The following CSNK1G1 variants were observed in gnomAD, a reference collection of about 807,000 sequenced individuals.
CSNK1G1 encodes casein kinase I isoform gamma-1.
A neutral mutation model predicts 59.6 loss-of-function variants in CSNK1G1; 22 were observed. The ratio of observed to expected loss-of-function variants is 0.37; its 90% CI spans 0.26 to 0.53. The LOEUF (loss-of-function observed/expected upper bound fraction) is 0.53, where lower values mean the gene tolerates loss of function less well. Among genes scored for constraint, CSNK1G1 ranks in the 20% least tolerant of loss-of-function variants. The pLI is 0.89. For missense variants in CSNK1G1, 384 were observed against 519.5 expected, an observed-to-expected ratio of 0.74 and a Z score of 2.54; for synonymous variants, 179 against 177.1, an observed-to-expected ratio of 1.01 and a Z score of -0.08.
At chr15:64,186,635 T>A (rs951638566) in intron 10 of CSNK1G1, among the ~76,000 whole-genome samples, 4 of 151,956 alleles carry the variant, frequency 2.6e-5, no homozygotes, top group African/African-American at 9.7e-5. Context: ...TAAGCCTTCC[T>A]GGCAGCCAGG....
chr15:64,339,304 T>C (rs1315984947), intron 1 of CSNK1G1, among the ~76,000 whole-genome samples: 1 of 151,906 alleles, frequency 6.6e-6, no homozygotes, highest in Non-Finnish European at 1.5e-5. Flanking sequence ...TTTTTTTGTT[T>C]TTTGTTGTTA....
chr15:64,218,224 T>C (rs2082336990), intron 4 of CSNK1G1, among the ~76,000 whole-genome samples: 1 of 152,204 alleles, frequency 6.6e-6, no homozygotes, highest in South Asian at 2.1e-4. Context: ...GTGCTGGGAA[T>C]ACAGGCATGA....
Position 64,188,553 on chromosome 15 carries a change from C to T in CSNK1G1, c.1108-8099G>A. The T allele has an allele frequency of 1.7e-6, 2 of 1,167,700 alleles. No homozygotes were observed. The highest frequency in any genetic ancestry group is 2.4e-6 in the Non-Finnish European group (2 of 817,190). The allele number at this position is 1,167,700 out of a possible 1,614,324, so 72.3% of individuals were successfully genotyped here. The stretch of plus-strand genomic sequence containing the variant: ...AAGGTGAAGCAACAGCAAGCAATAA[C>T]AAAATCAAGTACATTCGTGTCCCTG... On this transcript the variant is annotated intron_variant, in intron 10 of 11. Coordinates refer to ENST00000303052, the MANE Select transcript of CSNK1G1 (RefSeq NM_022048.5). The surrounding 1 kb of genome is among the most constrained non-coding windows in gnomAD (Gnocchi z 4.2).
At chr15:64,246,644 G>A (rs1015757309) in intron 4 of CSNK1G1, among the ~76,000 whole-genome samples, 1 of 145,724 alleles carries the variant, frequency 6.9e-6, no homozygotes, top group Non-Finnish European at 1.5e-5. Context: ...AAAAAAGGGG[G>A]GGGGGGAGGA....
chr15:64,193,548 T>C (rs1283850194), intron 10 of CSNK1G1, among the ~76,000 whole-genome samples: 2 of 151,748 alleles, frequency 1.3e-5, no homozygotes, highest in Non-Finnish European at 2.9e-5. Flanking sequence ...ATTAAGCTCA[T>C]GAAACATAAC....
At chr15:64,238,582 T>G (rs2140301551) in intron 4 of CSNK1G1, among the ~76,000 whole-genome samples, 1 of 145,734 alleles carries the variant, frequency 6.9e-6, no homozygotes, top group East Asian at 2.0e-4. Context: ...GTTTGCTTAC[T>G]GTGTGACTTT....
chr15:64,243,550 C>A (rs568843509), intron 4 of CSNK1G1, among the ~76,000 whole-genome samples: 2 of 152,050 alleles, frequency 1.3e-5, no homozygotes, highest in East Asian at 3.9e-4. Context: ...CTATCCAGAG[C>A]AAACAGGCAA....
At chr15:64,301,132 T>G (rs1895311381) in intron 1 of CSNK1G1, among the ~76,000 whole-genome samples, 1 of 152,198 alleles carries the variant, frequency 6.6e-6, no homozygotes, top group African/African-American at 2.4e-5. Flanking sequence ...AATTAGACTA[T>G]TCACTCCCCC....
intron 4 of CSNK1G1, among the ~76,000 whole-genome samples, chr15:64,236,543 T>C (rs1284044039): frequency 6.6e-6 from 1 of 152,158 alleles, no homozygotes; most frequent in Non-Finnish European, 1.5e-5. Flanking sequence ...TTAAAAAATG[T>C]TCAACATTAG....
At chr15:64,180,092 C>G in intron 11 of CSNK1G1, 1 of 447,910 alleles carries the variant, frequency 2.2e-6, no homozygotes, top group East Asian at 4.1e-5. Context: ...CACTGTAGCC[C>G]TGATAACATG....
In CSNK1G1 at chr15:64,269,379, A is replaced by C. The variant is rs143402922; in HGVS notation, c.182-10138T>G. ...GAGCTCATTCTTGGTGTGTTCAGGA[A>C]ATCAATTTCTTCCTTCAGTCTTGGG... On this transcript the variant is annotated intron_variant, in intron 2 of 11. Transcript: ENST00000303052. Among the ~76,000 whole-genome samples, 10 of 152,252 alleles carry C rather than the reference A, an allele frequency of 6.6e-5. No homozygotes were observed. In the East Asian group the frequency reaches 1.9e-3, roughly 29 times the overall value.
At chr15:64,291,304 G>A (rs1018893617) in intron 2 of CSNK1G1, among the ~76,000 whole-genome samples, 2 of 152,104 alleles carry the variant, frequency 1.3e-5, no homozygotes, top group Non-Finnish European at 2.9e-5. Flanking sequence ...GTTACATTTT[G>A]GTCTGGGTGC....
Position 64,171,764 on chromosome 15 carries a change from G to C in CSNK1G1, c.*167C>G. 1.5e-6 allele frequency: 1 copy of C among 658,444 alleles called. No homozygotes were observed. The highest frequency in any genetic ancestry group is 2.7e-6 in the Non-Finnish European group (1 of 371,996). 40.8% of individuals were successfully genotyped at this position (658,444 alleles called of 1,614,324 possible). The stretch of plus-strand genomic sequence containing the variant: ...GCGGAGATGGCCAATGACCCACTAG[G>C]CCCTGGCTGCCCGCACTGGCCCCTT... On this transcript the variant is annotated 3_prime_UTR_variant, in exon 12 of 12. Coordinates refer to ENST00000303052, the MANE Select transcript of CSNK1G1 (RefSeq NM_022048.5). The surrounding 1 kb of genome is among the most constrained non-coding windows in gnomAD (Gnocchi z 4.8).
chr15:64,207,094 G>C (rs895485028), intron 7 of CSNK1G1, among the ~76,000 whole-genome samples: 5 of 152,144 alleles, frequency 3.3e-5, no homozygotes, highest in Non-Finnish European at 7.4e-5. Context: ...GGGAGGAAAT[G>C]AGGGAAAAGA....
At chr15:64,291,528 C>T (rs192734253) in intron 2 of CSNK1G1, among the ~76,000 whole-genome samples, 9 of 152,220 alleles carry the variant, frequency 5.9e-5, no homozygotes, top group South Asian at 2.1e-4. Flanking sequence ...GTGGAGGTTG[C>T]GGTGAGCTAA....
intron 4 of CSNK1G1, among the ~76,000 whole-genome samples, chr15:64,237,171 C>T (rs544485068): frequency 6.6e-6 from 1 of 152,178 alleles, no homozygotes; most frequent in South Asian, 2.1e-4. Flanking sequence ...TTGGTAGGTA[C>T]ACAATGTATG....
At chr15:64,245,995 T>C (rs1891733068) in intron 4 of CSNK1G1, among the ~76,000 whole-genome samples, 1 of 152,014 alleles carries the variant, frequency 6.6e-6, no homozygotes, top group South Asian at 2.1e-4. Flanking sequence ...AAACATACAG[T>C]TAGAAGCAAT....
At chr15:64,266,651 A>C (rs74317577) in intron 2 of CSNK1G1, among the ~76,000 whole-genome samples, 1,723 of 152,312 alleles carry the variant, frequency 0.011, 37 homozygotes, top group African/African-American at 0.039. Context: ...CCAAAGCAGC[A>C]TGGCACTGGC....
At chr15:64,190,188 T>A (rs1490066151) in intron 10 of CSNK1G1, among the ~76,000 whole-genome samples, 2 of 152,254 alleles carry the variant, frequency 1.3e-5, no homozygotes, top group South Asian at 2.1e-4. Flanking sequence ...ATCCTGTTCA[T>A]ATTTTCTCTG....
Sources: allele counts gnomAD v4.1 joint callset (sites outside exome capture counted in the v4.1 genomes callset), GRCh38; gene constraint gnomAD v4.1.1; non-coding constraint Gnocchi (gnomAD v3.1); transcripts MANE v1.5; gene names NCBI Gene and HGNC (gene_info 2026-07-23, HGNC 2026-07-21).